TTN: variants seen among roughly 807,000 people sequenced by gnomAD.
The protein encoded by TTN is connectin.
Under a neutral mutation model 3,223.0 loss-of-function variants are expected in TTN, and 1,525 were observed. That is an observed-to-expected ratio of 0.47 (90% confidence interval 0.45 to 0.49). The LOEUF is 0.49. Among genes scored for constraint, TTN ranks in the 20% least tolerant of loss-of-function variants. The probability of loss-of-function intolerance (pLI) is 0.00; values close to 1 mark genes in which losing one functional copy is unlikely to be tolerated. For synonymous variants in TTN, 14,094 were observed against 15,161.0 expected, an observed-to-expected ratio of 0.93 and a Z score of 5.17; for missense variants, 40,786 against 43,424.0, an observed-to-expected ratio of 0.94 and a Z score of 5.40.
rs572253780 is a variant in TTN, at chr2:178,703,514, C to T, written c.30223+633G>A. ...AGCAACTACGAATGGGCACCAATAG[C>T]TGAAAGCAGATGCTATTATCATAGC... On this transcript the variant is annotated intron_variant, in intron 106 of 362. Coordinates refer to ENST00000589042, the MANE Select transcript of TTN (RefSeq NM_001267550.2). 9.2e-5 allele frequency among the ~76,000 whole-genome samples: 14 copies of T among 152,260 alleles called. No individual in the cohort carries two copies. The East Asian group carries it at 2.3e-3, about 25-fold the overall frequency.
Position 178,536,967 on chromosome 2 carries a change from G to A in TTN, c.100142C>T (p.Ser33381Phe). ...TFGISDPLEV[S>F]SVVIIKSPFE... Reference sequence around the variant, plus strand: ...TGGACTCTTAATGATCACAACTGAGGACACTTCTAGAGGGTCACTGATGCC... The same window carrying A: ...TGGACTCTTAATGATCACAACTGAGAACACTTCTAGAGGGTCACTGATGCC... The change falls in exon 356 of 363, where the codon TCC becomes TTC. Residue 33381 changes from serine to phenylalanine, a missense_variant. Coordinates refer to ENST00000589042, the MANE Select transcript of TTN (RefSeq NM_001267550.2). 1 of 1,613,110 alleles carries A rather than the reference G, an allele frequency of 6.2e-7. No individual in the cohort carries two copies. The highest frequency in any genetic ancestry group is 8.5e-7 in the Non-Finnish European group (1 of 1,179,456).
Position 178,793,442 on chromosome 2 carries a change from T to TA in TTN, c.1497dup (p.Thr500TyrfsTer12). The TA allele has an allele frequency of 6.2e-7, 1 of 1,614,164 alleles. No individual in the cohort carries two copies. The highest frequency in any genetic ancestry group is 8.5e-7 in the Non-Finnish European group (1 of 1,180,008). Reference sequence around the variant, plus strand: ...ACGTGCATCTGCTCTTGCTTTGTGGTAATTACTTCTTTGGTTCTTGATTTT... The same window carrying TA: ...ACGTGCATCTGCTCTTGCTTTGTGGTAAATTACTTCTTTGGTTCTTGATTTT... On this transcript the variant is annotated frameshift_variant, in exon 9 of 363. Transcript: ENST00000589042. LOFTEE classifies it high-confidence loss of function.
intron 43 of TTN, among the ~76,000 whole-genome samples, chr2:178,762,277 A>G (rs926380783): frequency 6.6e-6 from 1 of 152,248 alleles, no homozygotes; most frequent in Non-Finnish European, 1.5e-5. Flanking sequence ...CATATAGAAA[A>G]CAAATTTATA....
In TTN at chr2:178,635,528, G is replaced by A. The variant is rs1461075697; in HGVS notation, c.41796C>T (p.Leu13932=). 6.3e-7 allele frequency: 1 copy of A among 1,598,112 alleles called. No individual in the cohort carries two copies. The highest frequency in any genetic ancestry group is 8.5e-7 in the Non-Finnish European group (1 of 1,171,098). Residue 13932 remains leucine, a synonymous_variant, in exon 227 of 363, where the codon CTC becomes CTT. Coordinates refer to ENST00000589042, the MANE Select transcript of TTN (RefSeq NM_001267550.2). ...CTTCTGGCATAGCATTCTTAATTTT[G>A]AGGTACAGATGATTTCCATCTCTCA... ...EILRDGNHLY[L]KIKNAMPEDI...
chr2:178,741,320 C>A lies in TTN; in HGVS notation c.11913G>T (p.Trp3971Cys), dbSNP rs749961489. Residue 3971 changes from tryptophan (W) to cysteine (C), a missense_variant, in exon 48 of 363, where the codon TGG becomes TGT. Coordinates refer to ENST00000589042, the MANE Select transcript of TTN (RefSeq NM_001267550.2). ...VVGEPAPTVTWFKENKQLCTS... is the reference protein window; with the variant it reads ...VVGEPAPTVTCFKENKQLCTS... ...TGCAAAGCTGCTTGTTTTCTTTGAA[C>A]CATGTAACAGTAGGGGCAGGCTCTC... The A allele has an allele frequency of 6.2e-7, 1 of 1,613,830 alleles. No homozygotes were observed. The highest frequency in any genetic ancestry group is 8.5e-7 in the Non-Finnish European group (1 of 1,179,824).
At chr2:178,734,261 T>C in intron 52 of TTN, 67 bp downstream of exon 52, 2 of 1,481,116 alleles carry the variant, frequency 1.4e-6, no homozygotes, top group South Asian at 1.5e-5. Context: ...TACCAGTTTT[T>C]CTTCCATGGG....
intron 114 of TTN, 46 bp from the exon 115 acceptor site, chr2:178,695,456 G>A (rs2073497810): frequency 6.9e-7 from 1 of 1,457,322 alleles, no homozygotes; most frequent in Non-Finnish European, 9.6e-7. Flanking sequence ...AAATAGGTAA[G>A]TTCTCTTAGG....
At position 178,599,701 on chromosome 2, in the gene TTN, A is replaced by G; in HGVS notation, c.56200T>C (p.Tyr18734His). 1.2e-6 allele frequency: 2 copies of G among 1,613,090 alleles called. No individual in the cohort carries two copies. Among genetic ancestry groups the G allele is most frequent in the Non-Finnish European group, 1.7e-6 (2 of 1,179,364 alleles). Residue 18734 changes from tyrosine to histidine, a missense_variant, in exon 289 of 363, where the codon TAT (tyrosine) becomes CAT (histidine). Tyr to His is a moderately conservative substitution (Grantham distance 83). Coordinates refer to ENST00000589042, the MANE Select transcript of TTN (RefSeq NM_001267550.2). ...ACCAGTTTGTTGACATGGGTGTCAT[A>G]GAGAACAGGTTCTTTGTTATCAGGC... ...KKPDNKEPVL[Y>H]DTHVNKLVVD...
At position 178,583,817 on chromosome 2, in the gene TTN, T is replaced by C; in HGVS notation, c.65365A>G (p.Ile21789Val). The change falls in exon 312 of 363, where the codon ATT becomes GTT. Residue 21789 changes from isoleucine to valine, a missense_variant. Ile to Val is a conservative substitution (Grantham distance 29, BLOSUM62 3). Transcript: ENST00000589042. ...ARPKHDGGSK[I>V]IGYFVEACKL... ...CAAGCTTCTACGAAATAGCCAATAA[T>C]TTTACTGCCTCCATCATGCTTTGGA... 6.2e-7 allele frequency: 1 copy of C among 1,609,938 alleles called. No homozygotes were observed. The highest frequency in any genetic ancestry group is 8.5e-7 in the Non-Finnish European group (1 of 1,178,050).
At chr2:178,599,926 A>T (rs1301017415) in intron 288 of TTN, 76 bp from the exon 289 acceptor site, 2 of 1,407,490 alleles carry the variant, frequency 1.4e-6, no homozygotes, top group African/African-American at 2.9e-5. Flanking sequence ...CAGTTACTAT[A>T]AAGTTGTTTG....
In TTN at chr2:178,650,527, G is replaced by A. The variant is rs369057523; in HGVS notation, c.39709+224C>T. On this transcript the variant is annotated intron_variant, in intron 209 of 362. Coordinates refer to ENST00000589042, the MANE Select transcript of TTN (RefSeq NM_001267550.2). ...CCTGCCTTACTTTCTATGTACATTG[G>A]AGAAGCTTTGTTTAATATAGCTTAC... Among the ~76,000 whole-genome samples the A allele has an allele frequency of 7.9e-5, 12 of 152,158 alleles. No individual in the cohort carries two copies. The East Asian group carries it at 9.7e-4, about 12-fold the overall frequency.
intron 109 of TTN, 84 bp from the exon 110 acceptor site, chr2:178,701,671 C>T (rs144688772): frequency 3.1e-4 from 416 of 1,342,962 alleles, no homozygotes; most frequent in African/African-American, 1.9e-3. Context: ...TTTATTAGAT[C>T]CTGAGATATG....
intron 292 of TTN, 41 bp downstream of exon 292, chr2:178,598,465 G>T: frequency 6.3e-7 from 1 of 1,581,554 alleles, no homozygotes; most frequent in South Asian, 1.2e-5. Context: ...ACATTTTTTA[G>T]TTTATTCATA....
In TTN at chr2:178,735,701, T is replaced by C; in HGVS notation, c.14745A>G (p.Arg4915=). Residue 4915 remains arginine, a synonymous_variant, in exon 50 of 363, where the codon AGA becomes AGG. Coordinates refer to ENST00000589042, the MANE Select transcript of TTN (RefSeq NM_001267550.2). ...CTTTGCTCCACGTAACTGTGACTTT[T>C]CTGTCTTCATCTACTTGGCACTCAA... ...VHLECQVDED[R]KVTVTWSKDG... The C allele has an allele frequency of 1.2e-6, 2 of 1,613,828 alleles. No individual in the cohort carries two copies. Among genetic ancestry groups the C allele is most frequent in the East Asian group, 2.2e-5 (1 of 44,840 alleles).
In TTN at chr2:178,632,513, T is replaced by TA. The variant is rs1395804173; in HGVS notation, c.43480+12dup. 1 of 1,609,878 alleles carries TA rather than the reference T, an allele frequency of 6.2e-7. No homozygotes were observed. The highest frequency in any genetic ancestry group is 8.5e-7 in the Non-Finnish European group (1 of 1,178,834). On this transcript the variant is annotated intron_variant, in intron 235 of 362. Transcript: ENST00000589042. Reference sequence around the variant, plus strand: ...AATGATTTTGGGGTGGACTATTTGATAAAACTATTTACCTTCAATGATCAG... The same window carrying TA: ...AATGATTTTGGGGTGGACTATTTGATAAAAACTATTTACCTTCAATGATCAG...
intron 98 of TTN, 69 bp downstream of exon 98, chr2:178,710,566 A>T (rs773810044): frequency 1.3e-6 from 2 of 1,497,578 alleles, no homozygotes; most frequent in Non-Finnish European, 1.8e-6. Context: ...TCATCATAAA[A>T]ACGACACCTT....
chr2:178,746,632 A>G, intron 47 of TTN: 1 of 1,613,358 alleles, frequency 6.2e-7, no homozygotes, highest in Non-Finnish European at 8.5e-7. Context: ...TGTTTACAGC[A>G]TGACACATGT....
rs764226547 is a variant in TTN, at chr2:178,546,763, G to A, written c.94665C>T (p.Arg31555=). Residue 31555 remains arginine, a synonymous_variant, in exon 341 of 363, where the codon CGC becomes CGT. Coordinates refer to ENST00000589042, the MANE Select transcript of TTN (RefSeq NM_001267550.2). Reference sequence around the variant, plus strand: ...CAATGGTGTAGTTGCACTTCAGCCAGCGACCATCTCCTACCTCACTGACTG... The same window carrying A: ...CAATGGTGTAGTTGCACTTCAGCCAACGACCATCTCCTACCTCACTGACTG... ...RKPVSEVGDG[R]WLKCNYTIVS... is the part of the protein sequence containing the mutation. 1 of 1,613,720 alleles carries A rather than the reference G, an allele frequency of 6.2e-7. No homozygotes were observed. The highest frequency in any genetic ancestry group is 1.7e-5 in the Admixed American group (1 of 59,994).
Position 178,730,530 on chromosome 2 carries a change from T to A in TTN, c.18003A>T (p.Gln6001His), listed in dbSNP as rs142833401. The A allele has an allele frequency of 1.2e-6, 2 of 1,611,660 alleles. No homozygotes were observed. Among genetic ancestry groups the A allele is most frequent in the African/African-American group, 2.7e-5 (2 of 74,880 alleles). ...CTTTGACTGTCAGATGCCCACTGCA[T>A]TGGTTGTGCCCTGCCTTATTTGTGG... ...CSATNKAGHN[Q>H]CSGHLTVKEP... The change falls in exon 61 of 363, where the codon CAA (glutamine) becomes CAT (histidine). Residue 6001 changes from glutamine to histidine, a missense_variant. By Grantham distance (24) the Gln-to-His change is conservative. Transcript: ENST00000589042.
Sources: allele counts gnomAD v4.1 joint callset (sites outside exome capture counted in the v4.1 genomes callset), GRCh38; gene constraint gnomAD v4.1.1; transcripts MANE v1.5; gene names NCBI Gene and HGNC (gene_info 2026-07-23, HGNC 2026-07-21).